The following DNAH7 variants were observed in gnomAD, a reference collection of about 807,000 sequenced individuals.
DNAH7 encodes the protein dynein axonemal heavy chain 7.
In DNAH7, 397 loss-of-function variants were observed where a neutral mutation model predicts 444.6. The observed-to-expected ratio is 0.89, with a 90% CI of 0.82 to 0.97. The LOEUF (loss-of-function observed/expected upper bound fraction) is 0.97. DNAH7 is among the 50% of genes least tolerant of loss of function. The pLI is 0.00. For missense variants in DNAH7, 4,902 were observed against 4,800.8 expected, an observed-to-expected ratio of 1.02 and a Z score of -0.62; for synonymous variants, 1,636 against 1,624.4, an observed-to-expected ratio of 1.01 and a Z score of -0.17.
At chr2:196,040,136 A>G (rs973629441) in intron 5 of DNAH7, among the ~76,000 whole-genome samples, 3 of 152,320 alleles carry the variant, frequency 2.0e-5, no homozygotes, top group African/African-American at 7.2e-5. Flanking sequence ...GCTGAATTCT[A>G]TGAAAATTTT....
intron 3 of DNAH7, among the ~76,000 whole-genome samples, chr2:196,050,598 T>C (rs1322940537): frequency 6.6e-6 from 1 of 152,204 alleles, no homozygotes; most frequent in Non-Finnish European, 1.5e-5. Flanking sequence ...CTTGGTGGCA[T>C]TAAACTCCAC....
chr2:195,977,538 G>A (rs1205516457), intron 15 of DNAH7, among the ~76,000 whole-genome samples: 2 of 152,042 alleles, frequency 1.3e-5, no homozygotes, highest in African/African-American at 4.8e-5. Flanking sequence ...AAGAGTTATT[G>A]GCCTTAAAGA....
chr2:196,047,448 T>C lies in DNAH7; in HGVS notation c.302A>G (p.Asp101Gly). ...GKKGKLPHQVDDSYVGPSTSK... is the reference protein window; with the variant it reads ...GKKGKLPHQVGDSYVGPSTSK... ...AGTAGATGGTCCAACATAACTATCATCAACTTGGTGGGGTAATTTGCCCTT... is the reference window on the plus strand; with the variant it reads ...AGTAGATGGTCCAACATAACTATCACCAACTTGGTGGGGTAATTTGCCCTT... Residue 101 changes from aspartate to glycine, a missense_variant, in exon 5 of 65, where the codon GAT becomes GGT. Transcript: ENST00000312428. 6.2e-7 allele frequency: 1 copy of C among 1,604,120 alleles called. No homozygotes were observed.
chr2:195,769,033 C>G (rs1377019186), intron 61 of DNAH7, among the ~76,000 whole-genome samples: 1 of 152,142 alleles, frequency 6.6e-6, no homozygotes, highest in Non-Finnish European at 1.5e-5. Flanking sequence ...TGAGGTCTTA[C>G]ATTGCTACAT....
At chr2:195,850,506 G>A (rs1699296439) in intron 46 of DNAH7, among the ~76,000 whole-genome samples, 1 of 152,232 alleles carries the variant, frequency 6.6e-6, no homozygotes, top group Non-Finnish European at 1.5e-5. Context: ...AGGCATTGCA[G>A]TTGAGAGCTG....
At chr2:195,823,838 A>G (rs1697584257) in intron 49 of DNAH7, among the ~76,000 whole-genome samples, 1 of 152,208 alleles carries the variant, frequency 6.6e-6, no homozygotes, top group Non-Finnish European at 1.5e-5. Context: ...GAAGTGATTG[A>G]AAACAGTTCT....
chr2:195,924,402 G>A (rs1688206762), intron 22 of DNAH7, among the ~76,000 whole-genome samples: 1 of 152,138 alleles, frequency 6.6e-6, no homozygotes, highest in Non-Finnish European at 1.5e-5. Flanking sequence ...AGACCAGCCT[G>A]ACCAACATGG....
intron 54 of DNAH7, among the ~76,000 whole-genome samples, chr2:195,803,510 C>A (rs190959935): frequency 6.6e-6 from 1 of 152,200 alleles, no homozygotes; most frequent in Non-Finnish European, 1.5e-5. Flanking sequence ...AATGAACCTG[C>A]GTTAGCTATT....
intron 10 of DNAH7, among the ~76,000 whole-genome samples, chr2:196,006,469 T>G (rs1694379783): frequency 3.3e-5 from 5 of 151,580 alleles, no homozygotes; most frequent in Admixed American, 2.0e-4. Context: ...ATTTACAAAA[T>G]CTAACACTAC....
At chr2:195,814,560 A>T (rs1244039117) in intron 51 of DNAH7, among the ~76,000 whole-genome samples, 2 of 152,200 alleles carry the variant, frequency 1.3e-5, no homozygotes, top group African/African-American at 4.8e-5. Flanking sequence ...TAAATGGCAG[A>T]CCAAAGAAAT....
intron 45 of DNAH7, among the ~76,000 whole-genome samples, chr2:195,855,553 G>A (rs1321935298): frequency 1.3e-5 from 2 of 151,960 alleles, no homozygotes; most frequent in African/African-American, 4.8e-5. Context: ...TGTGAGCCAA[G>A]CAGCAAAACT....
At chr2:195,998,888 T>C (rs1193263950) in intron 12 of DNAH7, 5 of 485,390 alleles carry the variant, frequency 1.0e-5, no homozygotes, top group Non-Finnish European at 1.5e-5. Context: ...GCTAAGGAAA[T>C]AACAACAAAA....
At chr2:195,916,513 A>C (rs1040732328) in intron 24 of DNAH7, among the ~76,000 whole-genome samples, 1 of 136,084 alleles carries the variant, frequency 7.3e-6, no homozygotes, top group Non-Finnish European at 1.5e-5. Flanking sequence ...CGGTCTCTCT[A>C]AAATAATAGT....
chr2:195,941,590 T>TA (rs990116699), intron 19 of DNAH7, among the ~76,000 whole-genome samples: 3 of 150,198 alleles, frequency 2.0e-5, no homozygotes, highest in African/African-American at 7.4e-5. Context: ...TAATAAAAAA[T>TA]AAAAAAAGAG....
chr2:196,046,387 T>C (rs1697125811), intron 5 of DNAH7, among the ~76,000 whole-genome samples: 1 of 152,028 alleles, frequency 6.6e-6, no homozygotes, highest in Middle Eastern at 3.2e-3. Flanking sequence ...CACAGGAAGT[T>C]GTGTCAAGAA....
chr2:195,995,392 T>TA, intron 12 of DNAH7: 1 of 500,594 alleles, frequency 2.0e-6, no homozygotes, highest in Non-Finnish European at 4.0e-6. Context: ...CCAAGGGATG[T>TA]ATCATATGGC....
intron 63 of DNAH7, among the ~76,000 whole-genome samples, chr2:195,745,546 A>G (rs1328213707): frequency 6.6e-6 from 1 of 152,210 alleles, no homozygotes; most frequent in Non-Finnish European, 1.5e-5. Context: ...TCCAAGACAC[A>G]TAATTGTCAG....
chr2:196,010,231 C>T (rs1174175624), intron 10 of DNAH7, among the ~76,000 whole-genome samples: 1 of 151,770 alleles, frequency 6.6e-6, no homozygotes, highest in African/African-American at 2.4e-5. Flanking sequence ...CTCACTGCAA[C>T]TTCCACCTCC....
intron 1 of DNAH7, among the ~76,000 whole-genome samples, chr2:196,066,988 T>G (rs1698463030): frequency 6.6e-6 from 1 of 152,218 alleles, no homozygotes; most frequent in Non-Finnish European, 1.5e-5. Flanking sequence ...GAGGGCCCTC[T>G]GCTGTTCAAA....
Sources: allele counts gnomAD v4.1 joint callset (sites outside exome capture counted in the v4.1 genomes callset), GRCh38; gene constraint gnomAD v4.1.1; transcripts MANE v1.5; gene names NCBI Gene and HGNC (gene_info 2026-07-23, HGNC 2026-07-21).